The following TRAK2 variants were observed in gnomAD, a reference collection of about 807,000 sequenced individuals.
TRAK2 encodes trafficking kinesin-binding protein 2.
Under a neutral mutation model 104.6 loss-of-function variants are expected in TRAK2, and 81 were observed. The observed-to-expected ratio is 0.77, with a 90% CI of 0.65 to 0.93. The LOEUF is 0.93. Among genes scored for constraint, TRAK2 ranks in the 40% least tolerant of loss-of-function variants. TRAK2 has a pLI of 0.00. For missense variants in TRAK2, 1,002 were observed against 1,089.0 expected, an observed-to-expected ratio of 0.92 and a Z score of 1.12; for synonymous variants, 406 against 394.4, an observed-to-expected ratio of 1.03 and a Z score of -0.35.
In TRAK2 at chr2:201,389,337, G is replaced by A. The variant is rs775340113; in HGVS notation, c.1360C>T (p.Leu454Phe). 1 of 1,614,174 alleles carries A rather than the reference G, an allele frequency of 6.2e-7. No homozygotes were observed. Among genetic ancestry groups the A allele is most frequent in the East Asian group, 2.2e-5 (1 of 44,880 alleles). Residue 454 changes from leucine to phenylalanine, a missense_variant, in exon 12 of 16, where the codon CTC (leucine) becomes TTC (phenylalanine). Physicochemically the swap from Leu to Phe is conservative, Grantham distance 22. Transcript: ENST00000332624. ...SGLQQTEDKS[L>F]LNQGSSSEEV... ...TCTGAGCTGCTCCCCTGGTTCAGGAGTGATTTGTCCTCTGTTTGCTGAAGA... is the reference window on the plus strand; with the variant it reads ...TCTGAGCTGCTCCCCTGGTTCAGGAATGATTTGTCCTCTGTTTGCTGAAGA...
chr2:201,409,778 C>T (rs1951628026), intron 2 of TRAK2, among the ~76,000 whole-genome samples: 2 of 152,184 alleles, frequency 1.3e-5, no homozygotes, highest in African/African-American at 4.8e-5. Context: ...ATCAATACAG[C>T]ATCAAGATTT....
intron 1 of TRAK2, among the ~76,000 whole-genome samples, chr2:201,428,929 A>G (rs1453365742): frequency 6.6e-6 from 1 of 152,196 alleles, no homozygotes; most frequent in Non-Finnish European, 1.5e-5. Flanking sequence ...TCTTTGAAGC[A>G]ATTGTGAATG....
intron 12 of TRAK2, 67 bp downstream of exon 12, chr2:201,389,233 G>T: frequency 7.0e-7 from 1 of 1,422,702 alleles, no homozygotes; most frequent in Non-Finnish European, 9.9e-7. Context: ...GCTGGAATGT[G>T]CGTATGTGAA....
Position 201,389,353 on chromosome 2 carries a change from T to C in TRAK2, c.1344A>G (p.Gln448=). The C allele has an allele frequency of 6.2e-7, 1 of 1,614,158 alleles. No individual in the cohort carries two copies. ...GGTTCAGGAGTGATTTGTCCTCTGT[T>C]TGCTGAAGACCAGACTCAAAAGGTT... ...TAKPFESGLQ[Q]TEDKSLLNQG... is the part of the protein sequence containing the mutation. The change falls in exon 12 of 16, where the codon CAA becomes CAG. Residue 448 remains glutamine (Q), a synonymous_variant. Transcript: ENST00000332624.
At chr2:201,410,204 A>AG (rs1025775800) in intron 2 of TRAK2, among the ~76,000 whole-genome samples, 2 of 152,024 alleles carry the variant, frequency 1.3e-5, no homozygotes, top group African/African-American at 2.4e-5. Context: ...AGGGAGGCTG[A>AG]GGCAGGAGAA....
chr2:201,446,169 T>C (rs1951962782), intron 1 of TRAK2, among the ~76,000 whole-genome samples: 1 of 151,880 alleles, frequency 6.6e-6, no homozygotes, highest in Non-Finnish European at 1.5e-5. Context: ...CCCCAGACAT[T>C]TCCCCTCCCT....
intron 2 of TRAK2, among the ~76,000 whole-genome samples, chr2:201,409,109 T>A (rs536863375): frequency 6.6e-6 from 1 of 152,188 alleles, no homozygotes. Context: ...TATACCACAA[T>A]GTGACACTGG....
chr2:201,426,588 A>G (rs1951790914), intron 1 of TRAK2, among the ~76,000 whole-genome samples: 1 of 152,240 alleles, frequency 6.6e-6, no homozygotes, highest in African/African-American at 2.4e-5. Context: ...CCTCTGTTCT[A>G]GAAAACTGCT....
chr2:201,384,086 C>T (rs1437463595), intron 15 of TRAK2, 25 bp downstream of exon 15: 4 of 1,446,142 alleles, frequency 2.8e-6, no homozygotes, highest in East Asian at 4.7e-5. Context: ...AGAAGTGAGG[C>T]CCCAGATTTC....
intron 15 of TRAK2, among the ~76,000 whole-genome samples, chr2:201,383,632 T>C (rs538618178): frequency 6.6e-6 from 1 of 152,322 alleles, no homozygotes; most frequent in South Asian, 2.1e-4. Context: ...CTTTGGATAA[T>C]TTTAACCTGT....
At chr2:201,388,227 T>G (rs1368626162) in intron 12 of TRAK2, among the ~76,000 whole-genome samples, 1 of 152,242 alleles carries the variant, frequency 6.6e-6, no homozygotes, top group African/African-American at 2.4e-5. Context: ...TAATACTTTA[T>G]TGATATTCTG....
At chr2:201,407,632 T>C (rs1196746167) in intron 2 of TRAK2, 35 bp from the exon 3 acceptor site, 1 of 1,541,328 alleles carries the variant, frequency 6.5e-7, no homozygotes, top group Non-Finnish European at 8.8e-7. Context: ...GAATCCAATA[T>C]ATTTCAACTT....
intron 15 of TRAK2, 68 bp from the exon 16 acceptor site, chr2:201,381,286 TAAAGA>T: frequency 1.4e-6 from 2 of 1,390,680 alleles, no homozygotes; most frequent in South Asian, 2.9e-5. Context: ...AGCTGGCATT[TAAAGA>T]AATTATAGTA....
At chr2:201,427,648 G>A (rs947063932) in intron 1 of TRAK2, among the ~76,000 whole-genome samples, 2 of 152,132 alleles carry the variant, frequency 1.3e-5, no homozygotes, top group African/African-American at 4.8e-5. Context: ...GCATGTGTCT[G>A]TATAGCAGCA....
chr2:201,386,944 C>T (rs1035445162), intron 13 of TRAK2, among the ~76,000 whole-genome samples: 1 of 152,174 alleles, frequency 6.6e-6, no homozygotes, highest in Non-Finnish European at 1.5e-5. Context: ...CTACTGGTTC[C>T]AGGCTACAGA....
chr2:201,432,613 G>C (rs1951850718), intron 1 of TRAK2, among the ~76,000 whole-genome samples: 2 of 152,142 alleles, frequency 1.3e-5, no homozygotes, highest in Non-Finnish European at 2.9e-5. Context: ...ACACAACATG[G>C]CTAATGACTT....
At chr2:201,423,585 A>C (rs1951761395) in intron 1 of TRAK2, 2 of 152,154 alleles carry the variant, frequency 1.3e-5, no homozygotes, top group African/African-American at 4.8e-5. Flanking sequence ...ATAGTCCCTC[A>C]CTGCTAAATT....
At chr2:201,430,495 C>G (rs767710157) in intron 1 of TRAK2, among the ~76,000 whole-genome samples, 2 of 152,346 alleles carry the variant, frequency 1.3e-5, no homozygotes, top group Non-Finnish European at 2.9e-5. Flanking sequence ...AGCTTCCCGG[C>G]TTCTTTGTTT....
At chr2:201,412,521 T>C in intron 2 of TRAK2, 1 of 1,190,686 alleles carries the variant, frequency 8.4e-7, no homozygotes, top group Admixed American at 1.7e-5. Flanking sequence ...CAAATATATG[T>C]TTCCTTTTAT....
Sources: gnomAD v4.1 joint callset for allele counts (sites outside exome capture counted in the v4.1 genomes callset) on GRCh38, gnomAD v4.1.1 for gene constraint, MANE v1.5 for transcripts, NCBI Gene and HGNC (gene_info 2026-07-23, HGNC 2026-07-21) for gene names.